Variants in ALOXE3 observed in about 807,000 individuals in gnomAD.
ALOXE3 encodes the protein arachidonate epidermal lipoxygenase 3.
Under a neutral mutation model 87.5 loss-of-function variants are expected in ALOXE3, and 78 were observed. That is an observed-to-expected ratio of 0.89 (90% confidence interval 0.74 to 1.08). ALOXE3 has a LOEUF of 1.08. ALOXE3 is among the 50% of genes least tolerant of loss of function. ALOXE3 has a pLI of 0.00. For missense variants in ALOXE3, 946 were observed against 912.4 expected (o/e 1.04, Z -0.47); for synonymous variants, 363 against 370.8 (o/e 0.98, Z 0.24).
intron 8 of ALOXE3, 139 bp downstream of exon 8, chr17:8,111,220 C>A: frequency 1.9e-6 from 2 of 1,078,684 alleles, no homozygotes; most frequent in South Asian, 1.3e-5. Context: ...GTGTGCAGGA[C>A]CATGGCTGCC....
At position 8,118,084 on chromosome 17, in the gene ALOXE3, T is replaced by C. The variant is rs1980774653; in HGVS notation, c.-94A>G. On this transcript the variant is annotated 5_prime_UTR_variant, in exon 2 of 16. Coordinates refer to ENST00000448843, the MANE Select transcript of ALOXE3 (RefSeq NM_021628.3). ...GGCACGCCGGACAGGGCTGGGTTTCTGGGCGGAGGGCTAGGGGCTGCGGGG... is the reference window on the plus strand; with the variant it reads ...GGCACGCCGGACAGGGCTGGGTTTCCGGGCGGAGGGCTAGGGGCTGCGGGG... 1 of 1,564,528 alleles carries C rather than the reference T, an allele frequency of 6.4e-7. No individual in the cohort carries two copies. The highest frequency in any genetic ancestry group is 8.7e-7 in the Non-Finnish European group (1 of 1,155,678).
chr17:8,102,491 T>TG lies in ALOXE3; in HGVS notation c.1956+831dup, dbSNP rs374232453. Among the ~76,000 whole-genome samples the TG allele has an allele frequency of 7.6e-4, 115 of 152,076 alleles. No homozygotes were observed. In the Middle Eastern group the frequency reaches 0.024, roughly 31 times the overall value. On this transcript the variant is annotated intron_variant, in intron 15 of 15. Coordinates refer to ENST00000448843, the MANE Select transcript of ALOXE3 (RefSeq NM_021628.3). ...CTGGGTGACAGAGCAAGACTCCATG[T>TG]GGGGGGGTGGGGGAAGCCTTGATTG... is the stretch of plus-strand genomic sequence containing the variant.
chr17:8,108,711 C>CTGAA, intron 12 of ALOXE3, 122 bp from the exon 13 acceptor site: 2 of 1,434,478 alleles, frequency 1.4e-6, no homozygotes, highest in Non-Finnish European at 1.9e-6. Context: ...CAGCAGGGAC[C>CTGAA]CCCAGGTGCA....
Position 8,110,519 on chromosome 17 carries a change from T to C in ALOXE3, c.967A>G (p.Ile323Val). 1.2e-6 allele frequency: 2 copies of C among 1,613,886 alleles called. No individual in the cohort carries two copies. The highest frequency in any genetic ancestry group is 2.2e-5 in the East Asian group (1 of 44,890). ...AGGATCCAGTAGTCCGCTAGGAAGA[T>C]GTTCCCCCTCTGCAGAAGGCACACA... ...CLQTELERGNIFLADYWILAE... is the reference protein window; with the variant it reads ...CLQTELERGNVFLADYWILAE... The change falls in exon 9 of 16, where the codon ATC becomes GTC. Residue 323 changes from isoleucine (I) to valine (V), a missense_variant. Ile to Val is a conservative substitution (Grantham distance 29). Coordinates refer to ENST00000448843, the MANE Select transcript of ALOXE3 (RefSeq NM_021628.3).
At chr17:8,109,144 G>A (rs765159284) in intron 12 of ALOXE3, 30 bp downstream of exon 12, 2 of 1,610,470 alleles carry the variant, frequency 1.2e-6, no homozygotes, top group Non-Finnish European at 1.7e-6. Context: ...GACCCTGGTG[G>A]GACTGCTGGT....
chr17:8,113,066 G>A (rs1320835472), intron 6 of ALOXE3, among the ~76,000 whole-genome samples: 1 of 152,070 alleles, frequency 6.6e-6, no homozygotes, highest in East Asian at 1.9e-4. Flanking sequence ...CTTCACCTCT[G>A]GTAGAAAGCC....
At chr17:8,110,625 C>T (rs1979994624) in intron 8 of ALOXE3, 97 bp from the exon 9 acceptor site, 6 of 1,539,506 alleles carry the variant, frequency 3.9e-6, no homozygotes, top group Non-Finnish European at 8.9e-7. Context: ...GGAGCTGAGG[C>T]CCCCAGCTGA....
At chr17:8,098,231 T>TCTG (rs1978679881) in intron 15 of ALOXE3, among the ~76,000 whole-genome samples, 2 of 117,348 alleles carry the variant, frequency 1.7e-5, no homozygotes, top group Non-Finnish European at 3.8e-5. Flanking sequence ...ACTTTTGGTT[T>TCTG]TTGTTTTTTT....
chr17:8,118,372 C>T (rs140693440), intron 1 of ALOXE3, 69 bp from the exon 2 acceptor site: 17,469 of 1,551,456 alleles, frequency 0.011, 135 homozygotes, highest in Non-Finnish European at 0.014. Flanking sequence ...GGGACACTGC[C>T]CTCCGCCTGG....
intron 13 of ALOXE3, among the ~76,000 whole-genome samples, chr17:8,107,754 G>A (rs186454637): frequency 0.011 from 1,605 of 146,192 alleles, 64 homozygotes; most frequent in African/African-American, 0.039. Context: ...AGCAGAGATC[G>A]CGCCACTGCA....
intron 4 of ALOXE3, 129 bp from the exon 5 acceptor site, chr17:8,115,186 G>A: frequency 7.6e-7 from 1 of 1,314,004 alleles, no homozygotes; most frequent in Non-Finnish European, 1.1e-6. Flanking sequence ...CAAGGAATTG[G>A]ACATTTCTCC....
intron 13 of ALOXE3, 69 bp downstream of exon 13, chr17:8,108,399 G>C: frequency 6.3e-7 from 1 of 1,591,402 alleles, no homozygotes; most frequent in Non-Finnish European, 8.6e-7. Context: ...TAACTGATGG[G>C]AGTAGGGTGT....
chr17:8,110,009 G>A lies in ALOXE3; in HGVS notation c.1306-7C>T, dbSNP rs780048136. The A allele has an allele frequency of 1.1e-5, 17 of 1,558,510 alleles. No homozygotes were observed. The highest frequency in any genetic ancestry group is 1.1e-5 in the Non-Finnish European group (13 of 1,150,868). On this transcript the variant is annotated splice_polypyrimidine_tract_variant and splice_region_variant and intron_variant, in intron 10 of 15. Coordinates refer to ENST00000448843, the MANE Select transcript of ALOXE3 (RefSeq NM_021628.3). ...GAGTGTGGGGGAGTAGGAGCTGCGA[G>A]CGGAGCGGATCACGTGAGCTGAAGG...
chr17:8,098,319 AC>A (rs2151828887), intron 15 of ALOXE3, among the ~76,000 whole-genome samples: 1 of 124,336 alleles, frequency 8.0e-6, no homozygotes, highest in South Asian at 2.9e-4. Flanking sequence ...GCTCGCTGCA[AC>A]CTCCGTCTCC....
At chr17:8,097,514 T>C (rs960658830) in intron 15 of ALOXE3, among the ~76,000 whole-genome samples, 1 of 152,194 alleles carries the variant, frequency 6.6e-6, no homozygotes, top group Non-Finnish European at 1.5e-5. Context: ...ATGGAACTTT[T>C]GCCAACACAA....
rs975800131 is a variant in ALOXE3, at chr17:8,096,389, T to C, written c.*238A>G. 9.3e-6 allele frequency: 5 copies of C among 537,318 alleles called. No homozygotes were observed. Among genetic ancestry groups the C allele is most frequent in the Non-Finnish European group, 1.7e-5 (5 of 299,648 alleles). The allele number at this position is 537,318 out of a possible 1,614,324, so 33.3% of individuals were successfully genotyped here. On this transcript the variant is annotated 3_prime_UTR_variant, in exon 16 of 16. Coordinates refer to ENST00000448843, the MANE Select transcript of ALOXE3 (RefSeq NM_021628.3). ...CGGTTCCTTCCTTTCGGAGGGGCTA[T>C]TGTGCATTGGACTTTGGTCAGCGGC...
intron 6 of ALOXE3, among the ~76,000 whole-genome samples, chr17:8,112,708 G>A (rs574686635): frequency 4.7e-4 from 72 of 152,174 alleles, no homozygotes; most frequent in Non-Finnish European, 8.8e-4. Context: ...TAGAAGAGGG[G>A]CTGGCACGTG....
intron 13 of ALOXE3, among the ~76,000 whole-genome samples, chr17:8,107,913 GAAAGAAAGAAAGAAAGAAAGAA>G: frequency 1.7e-4 from 1 of 5,936 alleles, no homozygotes; most frequent in African/African-American, 7.7e-4. Context: ...AAGAAAGAAA[GAAAGAAAGAAAGAAAGAAAGAA>G]AGAAAGAAAG....
intron 15 of ALOXE3, among the ~76,000 whole-genome samples, chr17:8,100,781 G>A (rs756030921): frequency 4.0e-5 from 6 of 151,884 alleles, no homozygotes; most frequent in Non-Finnish European, 8.8e-5. Context: ...ATTGCACCTG[G>A]CTTAATACTT....
Sources: gnomAD v4.1 joint callset for allele counts (sites outside exome capture counted in the v4.1 genomes callset) on GRCh38, gnomAD v4.1.1 for gene constraint, MANE v1.5 for transcripts, NCBI Gene and HGNC (gene_info 2026-07-23, HGNC 2026-07-21) for gene names.